CDC5L: variants seen among roughly 807,000 people sequenced by gnomAD.
CDC5L encodes the protein cell division cycle 5-like protein.
Under a neutral mutation model 104.1 loss-of-function variants are expected in CDC5L, and 18 were observed. That is an observed-to-expected ratio of 0.17 (90% CI 0.12 to 0.26). The LOEUF (loss-of-function observed/expected upper bound fraction) is 0.26. Among genes scored for constraint, CDC5L ranks in the 10% least tolerant of loss-of-function variants. CDC5L has a pLI of 1.00. For missense variants in CDC5L, 673 were observed against 956.9 expected, an observed-to-expected ratio of 0.70 and a Z score of 3.91; for synonymous variants, 331 against 322.7, an observed-to-expected ratio of 1.03 and a Z score of -0.28.
intron 6 of CDC5L, among the ~76,000 whole-genome samples, chr6:44,404,545 G>A (rs766792569): frequency 3.3e-5 from 5 of 152,246 alleles, no homozygotes; most frequent in Middle Eastern, 3.4e-3. Context: ...ACAGAATGCT[G>A]TTTATGGCTC....
intron 5 of CDC5L, among the ~76,000 whole-genome samples, chr6:44,400,129 C>T (rs920789831): frequency 6.6e-6 from 1 of 152,052 alleles, no homozygotes; most frequent in Non-Finnish European, 1.5e-5. Context: ...TCATACCTTC[C>T]TTTACTTCTT....
chr6:44,440,711 T>C (rs988604914), intron 14 of CDC5L, among the ~76,000 whole-genome samples: 1 of 148,196 alleles, frequency 6.7e-6, no homozygotes, highest in Non-Finnish European at 1.5e-5. Flanking sequence ...TAAAATCCTT[T>C]TTTTTTTTTT....
At chr6:44,392,273 G>C (rs915188077) in intron 2 of CDC5L, among the ~76,000 whole-genome samples, 3 of 152,174 alleles carry the variant, frequency 2.0e-5, no homozygotes, top group Non-Finnish European at 4.4e-5. Context: ...AAAGAAATAA[G>C]CCATGGTGTG....
At chr6:44,391,966 C>T (rs1176678366) in intron 2 of CDC5L, among the ~76,000 whole-genome samples, 1 of 151,734 alleles carries the variant, frequency 6.6e-6, no homozygotes, top group Non-Finnish European at 1.5e-5. Context: ...CCAGCCTGGG[C>T]GACAGAGTGA....
At chr6:44,418,091 C>T (rs1791984876) in intron 8 of CDC5L, among the ~76,000 whole-genome samples, 1 of 152,194 alleles carries the variant, frequency 6.6e-6, no homozygotes, top group African/African-American at 2.4e-5. Flanking sequence ...CTGTGCTGCA[C>T]CCATTAACTC....
At chr6:44,427,915 G>C (rs1455692353) in intron 13 of CDC5L, among the ~76,000 whole-genome samples, 2 of 152,066 alleles carry the variant, frequency 1.3e-5, no homozygotes. Context: ...TTCTGTAGAG[G>C]GTAAACCCTA....
At chr6:44,408,362 A>G in intron 7 of CDC5L, 82 bp from the exon 8 acceptor site, 4 of 1,105,752 alleles carry the variant, frequency 3.6e-6, no homozygotes, top group African/African-American at 1.6e-5. Context: ...TCGGCCTCCC[A>G]GAGTGTTGGG....
intron 9 of CDC5L, among the ~76,000 whole-genome samples, chr6:44,421,678 CAAAT>C (rs1185182837): frequency 6.6e-6 from 1 of 152,104 alleles, no homozygotes; most frequent in Non-Finnish European, 1.5e-5. Flanking sequence ...ACAAATAACA[CAAAT>C]AAAAATACAA....
intron 2 of CDC5L, among the ~76,000 whole-genome samples, chr6:44,390,919 A>G (rs1485487771): frequency 7.0e-6 from 1 of 143,870 alleles, no homozygotes; most frequent in African/African-American, 2.6e-5. Context: ...GTTATATATT[A>G]TATATTAAAC....
chr6:44,420,934 C>A (rs1237806437), intron 9 of CDC5L, among the ~76,000 whole-genome samples: 1 of 152,130 alleles, frequency 6.6e-6, no homozygotes. Context: ...AGACTCCTCC[C>A]TTGTATCTTT....
chr6:44,403,747 T>C, intron 5 of CDC5L, 62 bp from the exon 6 acceptor site: 1 of 1,129,450 alleles, frequency 8.9e-7, no homozygotes, highest in South Asian at 1.4e-5. Flanking sequence ...TTTAACTGTA[T>C]GGGATAATTT....
chr6:44,405,675 G>C (rs1791330461), intron 6 of CDC5L, among the ~76,000 whole-genome samples: 1 of 151,862 alleles, frequency 6.6e-6, no homozygotes, highest in South Asian at 2.1e-4. Flanking sequence ...TTTCCTATGT[G>C]CACACGTTTT....
chr6:44,432,650 A>G (rs1792738736), intron 14 of CDC5L, among the ~76,000 whole-genome samples: 1 of 152,212 alleles, frequency 6.6e-6, no homozygotes, highest in South Asian at 2.1e-4. Flanking sequence ...TAATAGAACC[A>G]TCTCAGATTT....
chr6:44,418,499 T>C (rs1290899791), intron 8 of CDC5L, among the ~76,000 whole-genome samples: 1 of 152,208 alleles, frequency 6.6e-6, no homozygotes, highest in Non-Finnish European at 1.5e-5. Context: ...TATAATCCTT[T>C]GGGTATATAG....
chr6:44,439,597 T>C (rs568027422), intron 14 of CDC5L, among the ~76,000 whole-genome samples: 5 of 152,328 alleles, frequency 3.3e-5, no homozygotes, highest in African/African-American at 1.2e-4. Flanking sequence ...AGGGTCCACA[T>C]AGACTTATAT....
chr6:44,388,489 A>T (rs2153372779), intron 1 of CDC5L, among the ~76,000 whole-genome samples: 1 of 152,200 alleles, frequency 6.6e-6, no homozygotes, highest in South Asian at 2.1e-4. Context: ...CTGGCCTAGG[A>T]TAGTCTCTGT....
chr6:44,396,583 G>A (rs1439329372), intron 5 of CDC5L, 143 bp downstream of exon 5: 2 of 583,250 alleles, frequency 3.4e-6, no homozygotes, highest in Non-Finnish European at 6.2e-6. Flanking sequence ...GCAGTGGATA[G>A]CTGGGTGTCC....
rs537844893 is a variant in CDC5L, at chr6:44,402,987, T to C, written c.540-822T>C. 2.6e-5 allele frequency among the ~76,000 whole-genome samples: 4 copies of C among 152,370 alleles called. No individual in the cohort carries two copies. The East Asian group carries it at 5.8e-4, about 22-fold the overall frequency. ...AGCTTTGTAATTAAGTCCTTGTTCA[T>C]GGTGTAACTTATTTCCTCAGGCTAA... On this transcript the variant is annotated intron_variant, in intron 5 of 15. Coordinates refer to ENST00000371477, the MANE Select transcript of CDC5L (RefSeq NM_001253.4).
chr6:44,436,048 G>A (rs149289854), intron 14 of CDC5L, among the ~76,000 whole-genome samples: 2,632 of 152,174 alleles, frequency 0.017, 78 homozygotes, highest in African/African-American at 0.058. Flanking sequence ...AAAGTGCTGG[G>A]ATTACAGGTG....
Sources: gnomAD v4.1 joint callset for allele counts (sites outside exome capture counted in the v4.1 genomes callset) on GRCh38, gnomAD v4.1.1 for gene constraint, MANE v1.5 for transcripts, NCBI Gene and HGNC (gene_info 2026-07-23, HGNC 2026-07-21) for gene names.